FERRY3: variants seen among roughly 807,000 people sequenced by gnomAD.
FERRY3 encodes FERRY endosomal RAB5 effector complex subunit 3.
the FERRY3 span, among the ~76,000 whole-genome samples, chr12:4,516,508 T>C: frequency 6.6e-6 from 1 of 152,176 alleles, no homozygotes; most frequent in Non-Finnish European, 1.5e-5. Flanking sequence ...ATGTGGCACA[T>C]ATACATCATG....
the FERRY3 span, chr12:4,536,245 G>C: frequency 7.9e-7 from 1 of 1,264,992 alleles, no homozygotes; most frequent in Non-Finnish European, 1.1e-6. Flanking sequence ...TAGGTTATAA[G>C]TCCATAAAGA....
At chr12:4,499,377 A>G in the FERRY3 span, among the ~76,000 whole-genome samples, 1 of 152,294 alleles carries the variant, frequency 6.6e-6, no homozygotes, top group South Asian at 2.1e-4. Flanking sequence ...CAAGTTGAGC[A>G]CTGGCTCTCC....
the FERRY3 span, chr12:4,534,271 T>C: frequency 6.2e-7 from 1 of 1,611,234 alleles, no homozygotes; most frequent in East Asian, 2.2e-5. Context: ...GGGATTCTTC[T>C]TCTATAAACT....
chr12:4,536,553 G>A, the FERRY3 span, among the ~76,000 whole-genome samples: 1 of 152,112 alleles, frequency 6.6e-6, no homozygotes, highest in Non-Finnish European at 1.5e-5. Context: ...TCATGGGTGG[G>A]GAAATACAAA....
chr12:4,518,880 A>C, the FERRY3 span: 2 of 1,542,768 alleles, frequency 1.3e-6, no homozygotes, highest in South Asian at 1.2e-5. Flanking sequence ...TAATTTCCTC[A>C]CTAAAAGTAA....
chr12:4,490,378 T>A, the FERRY3 span: 1 of 593,722 alleles, frequency 1.7e-6, no homozygotes, highest in Non-Finnish European at 2.8e-6. Flanking sequence ...CTTTATCACA[T>A]CCAAATACTT....
chr12:4,504,258 G>C, the FERRY3 span, among the ~76,000 whole-genome samples: 1 of 152,164 alleles, frequency 6.6e-6, no homozygotes, highest in Non-Finnish European at 1.5e-5. Flanking sequence ...TCAAAGATCT[G>C]GGGAAGAAAA....
At chr12:4,516,629 A>G in the FERRY3 span, among the ~76,000 whole-genome samples, 1 of 152,220 alleles carries the variant, frequency 6.6e-6, no homozygotes, top group Non-Finnish European at 1.5e-5. Context: ...CAAACACCAC[A>G]TGCTCTCACT....
At chr12:4,528,942 CAAAAG>C in the FERRY3 span, among the ~76,000 whole-genome samples, 1 of 142,500 alleles carries the variant, frequency 7.0e-6, no homozygotes, top group South Asian at 2.2e-4. Context: ...CACACACAAA[CAAAAG>C]TGATTTAGTC....
chr12:4,505,706 A>G, the FERRY3 span, among the ~76,000 whole-genome samples: 2 of 152,236 alleles, frequency 1.3e-5, no homozygotes, highest in East Asian at 3.8e-4. Flanking sequence ...TATAAGTCCT[A>G]TGGTATTACC....
chr12:4,535,406 A>C, the FERRY3 span, among the ~76,000 whole-genome samples: 3 of 152,196 alleles, frequency 2.0e-5, no homozygotes, highest in Non-Finnish European at 2.9e-5. The surrounding 1 kb of genome is among the most constrained non-coding windows in gnomAD (Gnocchi z 4.0). Flanking sequence ...TAGGGTAAAT[A>C]ATTTAACCTC....
chr12:4,535,122 A>G, the FERRY3 span, among the ~76,000 whole-genome samples: 1 of 152,378 alleles, frequency 6.6e-6, no homozygotes, highest in South Asian at 2.1e-4. This position sits in a 1 kb window ranked among gnomAD's most constrained non-coding sequence, Gnocchi z 4.0. Flanking sequence ...AGAGAATGAT[A>G]TAACGGAAGA....
chr12:4,534,463 G>A, the FERRY3 span, among the ~76,000 whole-genome samples: 1 of 152,148 alleles, frequency 6.6e-6, no homozygotes, highest in African/African-American at 2.4e-5. Context: ...GAGTGCAGTG[G>A]CATGATCACA....
chr12:4,520,252 C>CA, the FERRY3 span, among the ~76,000 whole-genome samples: 1 of 152,116 alleles, frequency 6.6e-6, no homozygotes, highest in East Asian at 1.9e-4. Flanking sequence ...ACACTGAGGG[C>CA]AGGAGACAAG....
the FERRY3 span, among the ~76,000 whole-genome samples, chr12:4,519,786 G>C: frequency 6.6e-6 from 1 of 152,180 alleles, no homozygotes; most frequent in South Asian, 2.1e-4. The surrounding 1 kb of genome is among the most constrained non-coding windows in gnomAD (Gnocchi z 4.3). Flanking sequence ...ATAGGAGCGT[G>C]AACTGTATTG....
chr12:4,518,972 A>G, the FERRY3 span: 1 of 784,538 alleles, frequency 1.3e-6, no homozygotes, highest in Non-Finnish European at 1.9e-6. Flanking sequence ...TGAACAGCTG[A>G]AAGTCTTGCT....
chr12:4,491,242 CAG>C, the FERRY3 span: 1 of 1,610,152 alleles, frequency 6.2e-7, no homozygotes, highest in Non-Finnish European at 8.5e-7. Flanking sequence ...TTCCTAAAAA[CAG>C]AAACAAAACA....
At chr12:4,491,380 T>A in the FERRY3 span, 6 of 617,910 alleles carry the variant, frequency 9.7e-6, no homozygotes, top group Non-Finnish European at 1.7e-5. Context: ...TTTCCTCTAG[T>A]TTTTAGGCAT....
the FERRY3 span, chr12:4,500,373 A>C: frequency 3.2e-6 from 5 of 1,569,654 alleles, no homozygotes; most frequent in Non-Finnish European, 3.5e-6. Context: ...TGATTACCAA[A>C]TGCCTAAGTA....
Sources: gnomAD v4.1 joint callset for allele counts (sites outside exome capture counted in the v4.1 genomes callset) on GRCh38, gnomAD v4.1.1 for gene constraint, Gnocchi (gnomAD v3.1) non-coding constraint, MANE v1.5 for transcripts, NCBI Gene and HGNC (gene_info 2026-07-23, HGNC 2026-07-21) for gene names.